MTOR: variants seen among roughly 807,000 people sequenced by gnomAD.
MTOR encodes serine/threonine-protein kinase mTOR.
MTOR carries 70 observed loss-of-function variants against 319.8 expected under a neutral mutation model. The observed-to-expected ratio is 0.22, with a 90% confidence interval of 0.18 to 0.27. MTOR has a LOEUF of 0.27. Among genes scored for constraint, MTOR ranks in the 10% least tolerant of loss-of-function variants. The probability of loss-of-function intolerance (pLI) is 1.00; values close to 1 mark genes in which losing one functional copy is unlikely to be tolerated. For synonymous variants in MTOR, 1,183 were observed against 1,211.4 expected, an observed-to-expected ratio of 0.98 and a Z score of 0.49; for missense variants, 1,890 against 3,274.4, an observed-to-expected ratio of 0.58 and a Z score of 10.32.
rs180992388 is a variant in MTOR at position 11,130,636 on chromosome 1, C to T, written c.5506G>A (p.Ala1836Thr). 5.1e-5 allele frequency: 83 copies of T among 1,613,658 alleles called. No homozygotes were observed. The East Asian group carries it at 1.3e-3, about 26-fold the overall frequency. Residue 1836 changes from alanine to threonine, a missense_variant, in exon 39 of 58, where the codon GCC becomes ACC. Ala to Thr is a moderately conservative substitution (Grantham distance 58). Around this residue, in one of 15 missense-constraint regions of MTOR, gnomAD observed 91 missense variants for 90.4 expected, o/e 1.01. Coordinates refer to ENST00000361445, the MANE Select transcript of MTOR (RefSeq NM_004958.4). ...TNATTAATTA[A>T]TATTTASTEG... The stretch of plus-strand genomic sequence containing the variant: ...GTGCTGGCAGTGGTGGTGGCAGTGG[C>T]GGCCGTGGTGGCGGCAGTGGTGGCG...
intron 14 of MTOR, 22 bp downstream of exon 14, chr1:11,234,121 C>T (rs1039136593): frequency 1.2e-6 from 2 of 1,614,076 alleles, no homozygotes; most frequent in Non-Finnish European, 1.7e-6. Flanking sequence ...AGAGAAAGCA[C>T]CAGCCTCTCG....
intron 20 of MTOR, among the ~76,000 whole-genome samples, chr1:11,215,864 T>TAC (rs1646453317): frequency 6.6e-6 from 1 of 152,184 alleles, no homozygotes; most frequent in African/African-American, 2.4e-5. Flanking sequence ...TAAAGTAAAA[T>TAC]TGCTTTGTTG....
At position 11,204,638 on chromosome 1, in the gene MTOR, C is replaced by T; in HGVS notation, c.3867G>A (p.Leu1289=). ...GCGATGATGAGTCCTTCAGCAGCTC[C>T]AGGCTCAGCCGTCTCAGCCATTCCA... ...DWLEWLRRLS[L]ELLKDSSSPS... The change falls in exon 26 of 58, where the codon CTG becomes CTA. Residue 1289 remains leucine, a synonymous_variant. Coordinates refer to ENST00000361445, the MANE Select transcript of MTOR (RefSeq NM_004958.4). The T allele has an allele frequency of 6.2e-7, 1 of 1,614,222 alleles. No homozygotes were observed. The highest frequency in any genetic ancestry group is 8.5e-7 in the Non-Finnish European group (1 of 1,180,048).
At chr1:11,206,500 A>T (rs1384958797) in intron 25 of MTOR, among the ~76,000 whole-genome samples, 3 of 152,196 alleles carry the variant, frequency 2.0e-5, no homozygotes, top group Admixed American at 2.0e-4. Flanking sequence ...CACCTAACTC[A>T]TGGGGTTATC....
At chr1:11,224,306 C>T (rs754200677) in intron 19 of MTOR, among the ~76,000 whole-genome samples, 27 of 151,958 alleles carry the variant, frequency 1.8e-4, no homozygotes, top group Non-Finnish European at 2.8e-4. Flanking sequence ...ACGTAAAATA[C>T]GTTTTAAGGT....
At chr1:11,181,806 T>A in intron 28 of MTOR, among the ~76,000 whole-genome samples, 1 of 152,278 alleles carries the variant, frequency 6.6e-6, no homozygotes, top group East Asian at 1.9e-4. Context: ...TAATTTAGTA[T>A]GCATTTTGTC....
At chr1:11,254,088 T>A in intron 5 of MTOR, 115 bp from the exon 6 acceptor site, 1 of 1,197,412 alleles carries the variant, frequency 8.4e-7, no homozygotes, top group Non-Finnish European at 1.2e-6. Flanking sequence ...GCTCAGTGCC[T>A]AGTGCCAGTC....
At chr1:11,164,408 G>A (rs1644577250) in intron 29 of MTOR, among the ~76,000 whole-genome samples, 1 of 150,428 alleles carries the variant, frequency 6.6e-6, no homozygotes, top group African/African-American at 2.4e-5. Flanking sequence ...AATGATAAAG[G>A]GGATATCACC....
chr1:11,206,377 T>C (rs1215706409), intron 25 of MTOR, among the ~76,000 whole-genome samples: 1 of 152,218 alleles, frequency 6.6e-6, no homozygotes, highest in South Asian at 2.1e-4. Context: ...TCTGGAGTCA[T>C]GCTATCTAGG....
In MTOR at chr1:11,212,885, A is replaced by G; in HGVS notation, c.3309T>C (p.Phe1103=). ...GCAGGTAGTCATCCAGGTTGGCGCC[A>G]AACAGCTGGATTGCAGCCAGTAACT... The part of the protein sequence containing the change: ...SIKLLAAIQL[F]GANLDDYLHL... Residue 1103 remains phenylalanine, a synonymous_variant, in exon 22 of 58, where the codon TTT becomes TTC. Transcript: ENST00000361445. The surrounding 1 kb of genome is among the most constrained non-coding windows in gnomAD (Gnocchi z 4.1). The G allele has an allele frequency of 2.5e-6, 4 of 1,614,098 alleles. No individual in the cohort carries two copies. Among genetic ancestry groups the G allele is most frequent in the Non-Finnish European group, 3.4e-6 (4 of 1,179,958 alleles).
In MTOR at chr1:11,142,809, C is replaced by T. The variant is rs140655764; in HGVS notation, c.4872+1839G>A. 2.0e-4 allele frequency among the ~76,000 whole-genome samples: 30 copies of T among 152,270 alleles called. No homozygotes were observed. In the East Asian group the frequency reaches 3.5e-3, roughly 18 times the overall value. ...GAACCCAAGGCTAGAAGAGACCCAG[C>T]GCCAGTAAGGCTGACCTCTCTAACT... On this transcript the variant is annotated intron_variant, in intron 34 of 57. Coordinates refer to ENST00000361445, the MANE Select transcript of MTOR (RefSeq NM_004958.4).
rs1326649026 is a variant in MTOR at position 11,114,442 on chromosome 1, C to T, written c.7176G>A (p.Leu2392=). Residue 2392 remains leucine, a synonymous_variant, in exon 53 of 58, where the codon CTG becomes CTA. Coordinates refer to ENST00000361445, the MANE Select transcript of MTOR (RefSeq NM_004958.4). ...GGCATGTGATTCTGTAGTTGCCATC[C>T]AGGCCTGTAACCTAGAAATGGGACA... ...MLTNAMEVTG[L]DGNYRITCHT... is the part of the protein sequence containing the mutation. 1 of 1,614,186 alleles carries T rather than the reference C, an allele frequency of 6.2e-7. No individual in the cohort carries two copies. Among genetic ancestry groups the T allele is most frequent in the Non-Finnish European group, 8.5e-7 (1 of 1,180,028 alleles).
intron 28 of MTOR, chr1:11,189,667 T>C (rs149433721): frequency 1.9e-6 from 3 of 1,614,180 alleles, no homozygotes; most frequent in South Asian, 1.1e-5. Context: ...GCAGAAGCTC[T>C]CTAAGCACAA....
rs2100411623 is a variant in MTOR at position 11,127,944 on chromosome 1, A to T, written c.6033+60T>A. On this transcript the variant is annotated intron_variant, in intron 43 of 57. Coordinates refer to ENST00000361445, the MANE Select transcript of MTOR (RefSeq NM_004958.4). The surrounding 1 kb of genome is among the most constrained non-coding windows in gnomAD (Gnocchi z 5.5). ...CAATGCGAGGAAGAAAAACAATCCCACTTGCGCCCACCAGCTAAGGGACCA... is the reference window on the plus strand; with the variant it reads ...CAATGCGAGGAAGAAAAACAATCCCTCTTGCGCCCACCAGCTAAGGGACCA... 6.2e-7 allele frequency: 1 copy of T among 1,604,796 alleles called. No individual in the cohort carries two copies. The highest frequency in any genetic ancestry group is 2.2e-5 in the East Asian group (1 of 44,840).
chr1:11,150,340 A>T, intron 30 of MTOR, 114 bp from the exon 31 acceptor site: 1 of 765,052 alleles, frequency 1.3e-6, no homozygotes, highest in Non-Finnish European at 2.1e-6. Flanking sequence ...CACCTTTAAT[A>T]AAAAAGCACA....
intron 28 of MTOR, among the ~76,000 whole-genome samples, chr1:11,187,858 A>G (rs1030555660): frequency 6.6e-6 from 1 of 152,186 alleles, no homozygotes; most frequent in East Asian, 1.9e-4. Context: ...GAATCTTTTG[A>G]TTAGAATGCC....
chr1:11,228,179 C>A (rs1227243058), intron 19 of MTOR, among the ~76,000 whole-genome samples: 1 of 151,686 alleles, frequency 6.6e-6, no homozygotes, highest in Non-Finnish European at 1.5e-5. Flanking sequence ...CTCCCCCAGG[C>A]TATTCATCTT....
intron 19 of MTOR, among the ~76,000 whole-genome samples, chr1:11,219,038 G>A (rs1450544028): frequency 6.6e-6 from 1 of 151,988 alleles, no homozygotes; most frequent in South Asian, 2.1e-4. Context: ...GCAAAACCTT[G>A]TCTCTACCAG....
chr1:11,238,315 T>C (rs1485034730), intron 12 of MTOR, 87 bp downstream of exon 12: 2 of 1,384,408 alleles, frequency 1.4e-6, no homozygotes. Flanking sequence ...CGAAGAACTC[T>C]AGAGAGGCCA....
Sources: allele counts gnomAD v4.1 joint callset (sites outside exome capture counted in the v4.1 genomes callset), GRCh38; gene constraint gnomAD v4.1.1; regional missense constraint gnomAD v4.1.1; non-coding constraint Gnocchi (gnomAD v3.1); transcripts MANE v1.5; gene names NCBI Gene and HGNC (gene_info 2026-07-23, HGNC 2026-07-21).